The following DGKH variants were observed in gnomAD, a reference collection of about 807,000 sequenced individuals.
DGKH encodes the protein diacylglycerol kinase eta.
A neutral mutation model predicts 159.3 loss-of-function variants in DGKH; 90 were observed. The observed-to-expected ratio is 0.57, with a 90% confidence interval of 0.48 to 0.67. The LOEUF (loss-of-function observed/expected upper bound fraction) is 0.67. Among genes scored for constraint, DGKH ranks in the 30% least tolerant of loss-of-function variants. The pLI, the probability that DGKH is intolerant of heterozygous loss-of-function variation, is 0.00. For missense variants in DGKH, 1,181 were observed against 1,506.1 expected (o/e 0.78, Z 3.57); for synonymous variants, 536 against 553.8 (o/e 0.97, Z 0.45).
chr13:42,158,475 G>A (rs1956097081), intron 5 of DGKH, among the ~76,000 whole-genome samples: 1 of 152,076 alleles, frequency 6.6e-6, no homozygotes, highest in African/African-American at 2.4e-5. Context: ...TGTAAGTATG[G>A]TCAATTTTTC....
At chr13:42,223,119 A>G (rs1958027160) in intron 29 of DGKH, among the ~76,000 whole-genome samples, 1 of 152,186 alleles carries the variant, frequency 6.6e-6, no homozygotes, top group African/African-American at 2.4e-5. Context: ...TGGGGGGTGG[A>G]TGAGAAAAGG....
chr13:42,206,491 T>A (rs937762201), intron 21 of DGKH, among the ~76,000 whole-genome samples: 1 of 152,234 alleles, frequency 6.6e-6, no homozygotes, highest in African/African-American at 2.4e-5. Flanking sequence ...CTGTTTTCTA[T>A]CGCTGCTATA....
chr13:42,089,412 CTTATTGGCTTAATA>C (rs1954371133), intron 1 of DGKH, among the ~76,000 whole-genome samples: 1 of 152,086 alleles, frequency 6.6e-6, no homozygotes, highest in Non-Finnish European at 1.5e-5. Context: ...TGACTGCAAA[CTTATTGGCTTAATA>C]CAATACAAAT....
Position 42,235,631 on chromosome 13 carries a change from A to G in DGKH, c.*6443A>G, listed in dbSNP as rs1425341148. ...TATCTATTTCTGTATACCAAGTATTAAGCTGATATGTAGCTAAATATTTCT... is the reference window on the plus strand; with the variant it reads ...TATCTATTTCTGTATACCAAGTATTGAGCTGATATGTAGCTAAATATTTCT... On this transcript the variant is annotated 3_prime_UTR_variant, in exon 30 of 30. Coordinates refer to ENST00000337343, the MANE Select transcript of DGKH (RefSeq NM_178009.5). The G allele has an allele frequency of 1.3e-5, 2 of 152,154 alleles. No individual in the cohort carries two copies. Among genetic ancestry groups the G allele is most frequent in the African/African-American group, 4.8e-5 (2 of 41,450 alleles). 9.4% of individuals were successfully genotyped at this position (152,154 alleles called of 1,614,324 possible).
intron 13 of DGKH, among the ~76,000 whole-genome samples, chr13:42,185,317 C>G (rs1956888956): frequency 6.6e-6 from 1 of 152,138 alleles, no homozygotes; most frequent in Non-Finnish European, 1.5e-5. Context: ...GTGTGGCGAG[C>G]ACTCTCCTAA....
At chr13:42,228,026 T>C (rs148058045) in intron 29 of DGKH, among the ~76,000 whole-genome samples, 1 of 152,308 alleles carries the variant, frequency 6.6e-6, no homozygotes, top group East Asian at 1.9e-4. Context: ...TTGTTTGACT[T>C]CACATATTAG....
chr13:42,123,013 G>C (rs963421947), intron 1 of DGKH, among the ~76,000 whole-genome samples: 1 of 152,160 alleles, frequency 6.6e-6, no homozygotes, highest in Non-Finnish European at 1.5e-5. Flanking sequence ...GTTATAAAAA[G>C]ATGTGACTAA....
At chr13:42,045,740 T>C (rs1880759996), upstream of DGKH, among the ~76,000 whole-genome samples, 1 of 152,252 alleles carries the variant, frequency 6.6e-6, no homozygotes, top group African/African-American at 2.4e-5. Flanking sequence ...TAGAACACTT[T>C]GAACTCTTCA....
chr13:42,223,509 C>A (rs1958039287), intron 29 of DGKH, among the ~76,000 whole-genome samples: 1 of 152,000 alleles, frequency 6.6e-6, no homozygotes, highest in Non-Finnish European at 1.5e-5. Context: ...CTCCTATAAT[C>A]CCAGCACTTT....
At chr13:42,216,007 A>T (rs1368530901) in intron 26 of DGKH, among the ~76,000 whole-genome samples, 6 of 152,224 alleles carry the variant, frequency 3.9e-5, no homozygotes, top group Admixed American at 3.9e-4. Flanking sequence ...AGAGGAACTC[A>T]TGGAGTTTGT....
intron 1 of DGKH, among the ~76,000 whole-genome samples, chr13:42,107,236 G>A (rs183526773): frequency 7.9e-4 from 121 of 152,346 alleles, no homozygotes; most frequent in Middle Eastern, 3.4e-3. Context: ...GGTCCAGGGC[G>A]GGGGTGTGCA....
intron 3 of DGKH, among the ~76,000 whole-genome samples, chr13:42,132,287 A>G (rs2137853888): frequency 6.6e-6 from 1 of 152,302 alleles, no homozygotes; most frequent in East Asian, 1.9e-4. Context: ...CACACATTCA[A>G]TATTTTCCTG....
At chr13:42,194,840 T>C (rs367858825) in intron 16 of DGKH, 45 bp from the exon 17 acceptor site, 4 of 1,571,626 alleles carry the variant, frequency 2.5e-6, no homozygotes, top group African/African-American at 1.4e-5. Flanking sequence ...CTTATTTTTA[T>C]AGCTTTATCA....
chr13:42,088,093 CAGAT>C (rs1204870168), intron 1 of DGKH, among the ~76,000 whole-genome samples: 2 of 152,048 alleles, frequency 1.3e-5, no homozygotes, highest in African/African-American at 2.4e-5. Flanking sequence ...GAAACTATGA[CAGAT>C]AGAAGACAAT....
intron 13 of DGKH, among the ~76,000 whole-genome samples, chr13:42,180,673 C>G (rs1338763921): frequency 3.3e-5 from 5 of 152,182 alleles, no homozygotes; most frequent in Admixed American, 3.3e-4. Context: ...TAAGCAGATT[C>G]CATTCTGATG....
rs772952244 is a variant in DGKH, at chr13:42,210,738, C to T, written c.2987C>T (p.Ser996Phe). 5 of 1,612,528 alleles carry T rather than the reference C, an allele frequency of 3.1e-6. No individual in the cohort carries two copies. The highest frequency in any genetic ancestry group is 4.2e-6 in the Non-Finnish European group (5 of 1,179,894). ...TEEVSQMQLC[S>F]QAAEELITRI... Reference sequence around the variant, plus strand: ...GAGGTGTCGCAGATGCAGCTATGCTCCCAGGCTGCAGAGGAGCTCATTACT... The same window carrying T: ...GAGGTGTCGCAGATGCAGCTATGCTTCCAGGCTGCAGAGGAGCTCATTACT... Residue 996 changes from serine to phenylalanine, a missense_variant, in exon 24 of 30, where the codon TCC (serine) becomes TTC (phenylalanine). By Grantham distance (155) the Ser-to-Phe change is radical. Coordinates refer to ENST00000337343, the MANE Select transcript of DGKH (RefSeq NM_178009.5).
At chr13:42,095,156 CTTTTTTTTT>C (rs776422302) in intron 1 of DGKH, among the ~76,000 whole-genome samples, 15 of 76,814 alleles carry the variant, frequency 2.0e-4, no homozygotes, top group Non-Finnish European at 3.5e-4. Context: ...ATGTTGACTC[CTTTTTTTTT>C]TTTTTTTTTT....
intron 7 of DGKH, among the ~76,000 whole-genome samples, chr13:42,163,808 A>C (rs1204222789): frequency 2.0e-5 from 3 of 151,636 alleles, no homozygotes; most frequent in Non-Finnish European, 2.9e-5. Context: ...CCCATTTTGT[A>C]GGTTGCCTGT....
intron 13 of DGKH, among the ~76,000 whole-genome samples, chr13:42,179,177 G>GGC (rs1956681996): frequency 6.6e-6 from 1 of 152,198 alleles, no homozygotes; most frequent in Admixed American, 6.5e-5. Flanking sequence ...CACACTAGTT[G>GGC]GCCCAGGAGA....
Sources: allele counts gnomAD v4.1 joint callset (sites outside exome capture counted in the v4.1 genomes callset), GRCh38; gene constraint gnomAD v4.1.1; transcripts MANE v1.5; gene names NCBI Gene and HGNC (gene_info 2026-07-23, HGNC 2026-07-21).